The following SCML2 variants were observed in gnomAD, a reference collection of about 807,000 sequenced individuals.
The protein encoded by SCML2 is Scm polycomb group protein like 2, also known as sex comb on midleg-like protein 2.
In SCML2, 6 loss-of-function variants were observed where a neutral mutation model predicts 48.4. The observed-to-expected ratio is 0.12, with a 90% CI of 0.07 to 0.24. The LOEUF (loss-of-function observed/expected upper bound fraction) is 0.24, where lower values mean the gene tolerates loss of function less well. Among genes scored for constraint, SCML2 ranks in the 10% least tolerant of loss-of-function variants. SCML2 has a pLI of 1.00. For synonymous variants in SCML2, 181 were observed against 189.5 expected, an observed-to-expected ratio of 0.95 and a Z score of 0.37; for missense variants, 377 against 528.2, an observed-to-expected ratio of 0.71 and a Z score of 2.81.
Position 18,307,376 on chromosome X carries a change from G to A in SCML2, c.487-2161C>T, listed in dbSNP as rs190920762. On this transcript the variant is annotated intron_variant, in intron 6 of 14. Coordinates refer to ENST00000251900, the MANE Select transcript of SCML2 (RefSeq NM_006089.3). ...TTGATAAATAGCTGGTAAGTAAGAA[G>A]CAGTGTTACATGAAAGGGCTAAAGG... Among the ~76,000 whole-genome samples the A allele has an allele frequency of 3.2e-3, 355 of 111,912 alleles. 2 individuals are homozygous for A. The highest frequency in any genetic ancestry group is 0.031 in the Admixed American group (328 of 10,530).
intron 11 of SCML2, among the ~76,000 whole-genome samples, chrX:18,255,869 C>T (rs1260830803): frequency 8.9e-6 from 1 of 112,255 alleles, no homozygotes; most frequent in Non-Finnish European, 1.9e-5. Flanking sequence ...GAAAACCATG[C>T]GGCAATAACA....
chrX:18,241,674 C>CA (rs1926268985), intron 14 of SCML2, among the ~76,000 whole-genome samples: 1 of 111,727 alleles, frequency 9.0e-6, no homozygotes, highest in African/African-American at 3.3e-5. Context: ...ATATCTATGA[C>CA]AAAAGATCAA....
chrX:18,257,726 A>T (rs912286401), intron 10 of SCML2, among the ~76,000 whole-genome samples: 2 of 108,107 alleles, frequency 1.9e-5, no homozygotes, highest in Middle Eastern at 4.3e-3. Flanking sequence ...TGTCTCTACT[A>T]AAAATACAAA....
At chrX:18,322,564 C>T (rs907998459) in intron 5 of SCML2, among the ~76,000 whole-genome samples, 3 of 112,049 alleles carry the variant, frequency 2.7e-5, no homozygotes, top group African/African-American at 9.7e-5. Context: ...ATGCCCCAAA[C>T]CATCTTCTTG....
chrX:18,264,052 G>A lies in SCML2; in HGVS notation c.948+1533C>T, dbSNP rs781725276. ...GCTTATTCTGTTTGCTCTTGGCTGA[G>A]TATTGTGTCTATGCATTTCTTTCAT... On this transcript the variant is annotated intron_variant, in intron 8 of 14. Coordinates refer to ENST00000251900, the MANE Select transcript of SCML2 (RefSeq NM_006089.3). Among the ~76,000 whole-genome samples the A allele has an allele frequency of 1.0e-4, 6 of 59,263 alleles. No individual in the cohort carries two copies. In the South Asian group the frequency reaches 4.1e-3, roughly 40 times the overall value. The allele number at this position is 59,263 out of a possible 115,157, so 51.5% of individuals were successfully genotyped here.
intron 7 of SCML2, among the ~76,000 whole-genome samples, chrX:18,269,938 G>GTA (rs958689410): frequency 9.1e-5 from 10 of 110,034 alleles, no homozygotes; most frequent in African/African-American, 3.3e-4. Flanking sequence ...GTCCCCTAAA[G>GTA]TATATATATT....
At chrX:18,308,734 G>C (rs1928847541) in intron 6 of SCML2, among the ~76,000 whole-genome samples, 1 of 111,466 alleles carries the variant, frequency 9.0e-6, no homozygotes, top group South Asian at 3.7e-4. Flanking sequence ...AAGGAAATCA[G>C]TATATTGAAG....
intron 13 of SCML2, among the ~76,000 whole-genome samples, 185 bp downstream of exon 13, chrX:18,246,392 G>C (rs1274253644): frequency 8.9e-6 from 1 of 112,206 alleles, no homozygotes; most frequent in Non-Finnish European, 1.9e-5. Flanking sequence ...CCTAGAGACA[G>C]TTCTGTGCTG....
At chrX:18,308,362 G>A (rs907237730) in intron 6 of SCML2, among the ~76,000 whole-genome samples, 2 of 90,738 alleles carry the variant, frequency 2.2e-5, no homozygotes, top group African/African-American at 8.1e-5. Flanking sequence ...GGACAGGGAG[G>A]GAGGGAGGGA....
intron 1 of SCML2, among the ~76,000 whole-genome samples, chrX:18,350,139 G>A (rs1930326579): frequency 9.2e-6 from 1 of 109,153 alleles, no homozygotes; most frequent in Admixed American, 9.8e-5. Flanking sequence ...AAATTAGTGG[G>A]CATGGTGATG....
At chrX:18,249,509 G>A (rs1268467004) in intron 11 of SCML2, among the ~76,000 whole-genome samples, 1 of 111,179 alleles carries the variant, frequency 9.0e-6, no homozygotes, top group African/African-American at 3.3e-5. Context: ...CTTGTTCTGT[G>A]TGAACAACCC....
intron 11 of SCML2, among the ~76,000 whole-genome samples, chrX:18,249,446 G>C (rs967870772): frequency 2.7e-5 from 3 of 111,238 alleles, no homozygotes; most frequent in Admixed American, 9.6e-5. Flanking sequence ...CAGTCTCGAA[G>C]CTCACTGAAA....
intron 3 of SCML2, 95 bp from the exon 4 acceptor site, chrX:18,325,072 C>A: frequency 1.2e-5 from 5 of 429,993 alleles, no homozygotes; most frequent in African/African-American, 2.6e-5. Context: ...GTTTTAGTTC[C>A]ATGCCTCTTA....
At chrX:18,283,305 A>C (rs925232310) in intron 7 of SCML2, among the ~76,000 whole-genome samples, 5 of 112,001 alleles carry the variant, frequency 4.5e-5, no homozygotes, top group African/African-American at 1.6e-4. Flanking sequence ...ACCTCAAAAT[A>C]ATAAGTGCCA....
intron 6 of SCML2, among the ~76,000 whole-genome samples, chrX:18,307,860 C>T (rs1217106965): frequency 9.1e-6 from 1 of 110,086 alleles, no homozygotes; most frequent in East Asian, 2.9e-4. Context: ...CTTTGGGAGG[C>T]TGAGGTGGGT....
chrX:18,254,012 G>A (rs1314783706), intron 11 of SCML2, among the ~76,000 whole-genome samples: 2 of 111,804 alleles, frequency 1.8e-5, no homozygotes, highest in Non-Finnish European at 3.8e-5. Flanking sequence ...GTGAGGGGTA[G>A]TAGTGGATTA....
chrX:18,265,299 G>C (rs1489319615), intron 8 of SCML2, among the ~76,000 whole-genome samples: 1 of 112,363 alleles, frequency 8.9e-6, no homozygotes. Context: ...GATTTTTAAA[G>C]TATACTGAGT....
intron 6 of SCML2, among the ~76,000 whole-genome samples, chrX:18,313,863 GTTGTT>G (rs1168455200): frequency 1.3e-4 from 15 of 111,587 alleles, no homozygotes; most frequent in Non-Finnish European, 2.3e-4. Flanking sequence ...TTTTGTTGTT[GTTGTT>G]TTGTTTTGTT....
chrX:18,287,118 T>C (rs1373557278), intron 7 of SCML2, among the ~76,000 whole-genome samples: 1 of 111,488 alleles, frequency 9.0e-6, no homozygotes, highest in African/African-American at 3.3e-5. Context: ...ACACCAAAGA[T>C]ATCAGTTTTA....
Sources: gnomAD v4.1 joint callset for allele counts (sites outside exome capture counted in the v4.1 genomes callset) on GRCh38, gnomAD v4.1.1 for gene constraint, MANE v1.5 for transcripts, NCBI Gene and HGNC (gene_info 2026-07-23, HGNC 2026-07-21) for gene names.